The following PARN variants were observed in gnomAD, a reference collection of about 807,000 sequenced individuals.
PARN encodes poly(A)-specific ribonuclease PARN.
In PARN, 71 loss-of-function variants were observed where a neutral mutation model predicts 102.8. The observed-to-expected ratio is 0.69, with a 90% CI of 0.57 to 0.84. PARN has a LOEUF of 0.84. Ranked by LOEUF, PARN falls within the 40% of genes least tolerant of loss-of-function variation. The pLI, the probability that PARN is intolerant of heterozygous loss-of-function variation, is 0.00. For synonymous variants in PARN, 261 were observed against 252.9 expected (o/e 1.03, Z -0.30); for missense variants, 782 against 760.9 (o/e 1.03, Z -0.33).
chr16:14,459,264 G>A (rs1249147853), intron 22 of PARN, among the ~76,000 whole-genome samples: 13 of 152,088 alleles, frequency 8.5e-5, no homozygotes, highest in East Asian at 1.9e-4. Context: ...TTTCTCAAAC[G>A]AAAAATATCC....
chr16:14,593,266 T>G, intron 13 of PARN, 35 bp downstream of exon 13: 1 of 1,105,936 alleles, frequency 9.0e-7, no homozygotes, highest in Non-Finnish European at 1.4e-6. Flanking sequence ...AAAAGAATCC[T>G]GCTAATATTA....
intron 22 of PARN, among the ~76,000 whole-genome samples, chr16:14,460,912 G>C (rs1596452297): frequency 1.3e-5 from 2 of 152,218 alleles, no homozygotes; most frequent in East Asian, 1.9e-4. Context: ...AGTGTGGAAA[G>C]AGAGAGAACA....
chr16:14,517,556 G>A (rs982545835), intron 21 of PARN, among the ~76,000 whole-genome samples: 17 of 152,194 alleles, frequency 1.1e-4, no homozygotes, highest in Admixed American at 9.2e-4. Flanking sequence ...TTAGAACGAG[G>A]AGGACATCTG....
chr16:14,607,812 T>G (rs1319314295), intron 9 of PARN, among the ~76,000 whole-genome samples: 1 of 152,182 alleles, frequency 6.6e-6, no homozygotes, highest in Non-Finnish European at 1.5e-5. Context: ...ATTTCTGAGT[T>G]GAAGACCCAC....
At chr16:14,608,678 G>A (rs2151794680) in intron 8 of PARN, among the ~76,000 whole-genome samples, 1 of 152,318 alleles carries the variant, frequency 6.6e-6, no homozygotes, top group African/African-American at 2.4e-5. Context: ...CTGACTCTTT[G>A]AAATGCTAAT....
chr16:14,482,546 G>A, intron 22 of PARN, 92 bp downstream of exon 22: 1 of 984,404 alleles, frequency 1.0e-6, no homozygotes, highest in Non-Finnish European at 1.5e-6. Flanking sequence ...TTTCCCAAAA[G>A]TCAGATTTAG....
chr16:14,587,835 C>T (rs1262157648), intron 13 of PARN, among the ~76,000 whole-genome samples: 1 of 152,244 alleles, frequency 6.6e-6, no homozygotes, highest in Non-Finnish European at 1.5e-5. Context: ...ATCACTTGCT[C>T]TTTCTACCAG....
At chr16:14,622,219 G>C (rs1318627954) in intron 5 of PARN, among the ~76,000 whole-genome samples, 2 of 152,128 alleles carry the variant, frequency 1.3e-5, no homozygotes, top group African/African-American at 4.8e-5. Flanking sequence ...TTCAAGACAT[G>C]AGAACAGATA....
At chr16:14,598,990 C>G (rs1351868080) in intron 12 of PARN, among the ~76,000 whole-genome samples, 1 of 151,584 alleles carries the variant, frequency 6.6e-6, no homozygotes, top group African/African-American at 2.4e-5. Flanking sequence ...GCAGCATGAC[C>G]TAGTTTACCT....
intron 23 of PARN, among the ~76,000 whole-genome samples, chr16:14,442,727 C>G (rs1004157681): frequency 3.9e-5 from 6 of 152,142 alleles, no homozygotes; most frequent in Admixed American, 6.5e-5. Flanking sequence ...AAGCGAGTCT[C>G]CTGCCTCAGC....
chr16:14,527,453 T>G (rs1235203915), intron 21 of PARN, among the ~76,000 whole-genome samples: 1 of 152,220 alleles, frequency 6.6e-6, no homozygotes, highest in African/African-American at 2.4e-5. Context: ...AATCAAGATT[T>G]TTAAACAAAA....
chr16:14,474,189 G>A (rs1011582343), intron 22 of PARN, among the ~76,000 whole-genome samples: 35 of 150,036 alleles, frequency 2.3e-4, no homozygotes, highest in African/African-American at 8.3e-4. Flanking sequence ...TTGTTTTTTG[G>A]AGATGGGGTC....
At chr16:14,478,306 T>C (rs1326023434) in intron 22 of PARN, among the ~76,000 whole-genome samples, 1 of 152,016 alleles carries the variant, frequency 6.6e-6, no homozygotes, top group East Asian at 1.9e-4. Context: ...ACAGACCCTG[T>C]CTCAGAAATA....
chr16:14,615,101 G>C (rs1219111584), intron 6 of PARN, among the ~76,000 whole-genome samples: 1 of 152,110 alleles, frequency 6.6e-6, no homozygotes, highest in Non-Finnish European at 1.5e-5. Context: ...GACATTTACA[G>C]AGCCTGAATG....
At chr16:14,533,678 G>C (rs989041449) in intron 21 of PARN, among the ~76,000 whole-genome samples, 8 of 152,214 alleles carry the variant, frequency 5.3e-5, no homozygotes, top group African/African-American at 1.9e-4. Flanking sequence ...ACTTATGACC[G>C]GAGGGTGAGC....
intron 22 of PARN, among the ~76,000 whole-genome samples, chr16:14,453,352 T>C (rs1459326428): frequency 1.3e-5 from 2 of 152,236 alleles, no homozygotes; most frequent in African/African-American, 2.4e-5. Context: ...TGTTTGCTTA[T>C]AGAAAGGCCG....
rs1247006812 is a variant in PARN, at chr16:14,436,769, C to T, written c.1868G>A (p.Ser623Asn). The T allele has an allele frequency of 3.1e-6, 5 of 1,587,834 alleles. No homozygotes were observed. Among genetic ancestry groups the T allele is most frequent in the South Asian group, 2.3e-5 (2 of 86,894 alleles). Residue 623 changes from serine (S) to asparagine (N), a missense_variant, in exon 24 of 24, where the codon AGC (serine) becomes AAC (asparagine). Physicochemically the swap from Ser to Asn is conservative, Grantham distance 46. Coordinates refer to ENST00000437198, the MANE Select transcript of PARN (RefSeq NM_002582.4). ...RMKKELSPAG[S>N]ISKNSPATLF... Reference sequence around the variant, plus strand: ...TGTGGCAGGGCTGTTCTTCGAGATGCTTCCTGGTGGGAAAGAACAAAACAA... The same window carrying T: ...TGTGGCAGGGCTGTTCTTCGAGATGTTTCCTGGTGGGAAAGAACAAAACAA...
chr16:14,446,252 T>G (rs896345037), intron 23 of PARN, among the ~76,000 whole-genome samples: 1 of 152,238 alleles, frequency 6.6e-6, no homozygotes, highest in Non-Finnish European at 1.5e-5. Flanking sequence ...GACCTGGGTC[T>G]GCCTTTCGGC....
chr16:14,453,630 T>C (rs183531649), intron 22 of PARN, among the ~76,000 whole-genome samples: 8 of 152,364 alleles, frequency 5.3e-5, no homozygotes, highest in Admixed American at 5.2e-4. Context: ...ACTATTAATC[T>C]GCTTATAGTC....
Sources: gnomAD v4.1 joint callset for allele counts (sites outside exome capture counted in the v4.1 genomes callset) on GRCh38, gnomAD v4.1.1 for gene constraint, MANE v1.5 for transcripts, NCBI Gene and HGNC (gene_info 2026-07-23, HGNC 2026-07-21) for gene names.